The following MYO16 variants were observed in gnomAD, a reference collection of about 807,000 sequenced individuals.
MYO16 encodes the protein myosin XVI.
Under a neutral mutation model 205.3 loss-of-function variants are expected in MYO16, and 94 were observed. The observed-to-expected ratio is 0.46, with a 90% CI of 0.39 to 0.54. The LOEUF is 0.54. Ranked by LOEUF, MYO16 falls within the 20% of genes least tolerant of loss-of-function variation. The probability of loss-of-function intolerance (pLI) is 0.00; values close to 1 mark genes in which losing one functional copy is unlikely to be tolerated. For missense variants in MYO16, 2,315 were observed against 2,387.5 expected (o/e 0.97, Z 0.63); for synonymous variants, 988 against 954.0 (o/e 1.04, Z -0.66).
the MYO16 span, among the ~76,000 whole-genome samples, chr13:108,567,167 A>C: frequency 6.6e-6 from 1 of 152,280 alleles, no homozygotes; most frequent in African/African-American, 2.4e-5. Flanking sequence ...GGTTTGGAGG[A>C]TATTGAAGTA....
chr13:108,850,182 T>A (rs911957557), intron 10 of MYO16, among the ~76,000 whole-genome samples: 1 of 152,164 alleles, frequency 6.6e-6, no homozygotes, highest in Non-Finnish European at 1.5e-5. Context: ...TTCCTCCAAA[T>A]CCTGTTGCCC....
At chr13:108,754,209 C>A (rs1885345733) in intron 4 of MYO16, among the ~76,000 whole-genome samples, 1 of 143,326 alleles carries the variant, frequency 7.0e-6, no homozygotes, top group African/African-American at 3.0e-5. Context: ...CTGTAGCATG[C>A]AAGACAAGCT....
chr13:108,977,618 C>CA (rs1884310165), intron 20 of MYO16, among the ~76,000 whole-genome samples: 1 of 152,016 alleles, frequency 6.6e-6, no homozygotes, highest in African/African-American at 2.4e-5. Flanking sequence ...ATTTTCAGCA[C>CA]AGCAGGAAAA....
chr13:108,677,139 A>G (rs1882249998), intron 2 of MYO16, among the ~76,000 whole-genome samples: 1 of 152,046 alleles, frequency 6.6e-6, no homozygotes, highest in Admixed American at 6.6e-5. Flanking sequence ...GGGGATGTGC[A>G]GAAGGAGGAG....
chr13:108,703,298 T>C (rs570151551), intron 2 of MYO16, among the ~76,000 whole-genome samples: 95 of 152,288 alleles, frequency 6.2e-4, no homozygotes, highest in African/African-American at 2.3e-3. Context: ...TAACTCAACT[T>C]TAATGTAAAA....
At chr13:108,552,956 C>A in the MYO16 span, among the ~76,000 whole-genome samples, 15 of 150,218 alleles carry the variant, frequency 1.0e-4, no homozygotes, top group East Asian at 2.7e-3. Context: ...GTGGAGCCCT[C>A]GGTCTAATCC....
At chr13:109,077,992 G>T (rs997673076) in intron 27 of MYO16, among the ~76,000 whole-genome samples, 3 of 152,002 alleles carry the variant, frequency 2.0e-5, no homozygotes, top group African/African-American at 7.3e-5. Flanking sequence ...TCATTTGGGA[G>T]TAGTTTCTAT....
chr13:108,550,266 G>C, the MYO16 span, among the ~76,000 whole-genome samples: 1 of 152,278 alleles, frequency 6.6e-6, no homozygotes, highest in Non-Finnish European at 1.5e-5. Context: ...GTCTTGGAAA[G>C]AACGACAACC....
intron 7 of MYO16, among the ~76,000 whole-genome samples, chr13:108,809,174 A>G (rs536273475): frequency 1.3e-5 from 2 of 152,310 alleles, no homozygotes; most frequent in East Asian, 1.9e-4. Context: ...TAGGTTTCCA[A>G]CATTCATCAT....
intron 5 of MYO16, among the ~76,000 whole-genome samples, chr13:108,790,233 AC>A (rs1307323775): frequency 6.6e-6 from 1 of 152,216 alleles, no homozygotes. Context: ...TTGAATTCTT[AC>A]AAAAACAATA....
At chr13:108,920,624 A>C (rs1453249598) in intron 16 of MYO16, among the ~76,000 whole-genome samples, 1 of 152,016 alleles carries the variant, frequency 6.6e-6, no homozygotes, top group Non-Finnish European at 1.5e-5. Flanking sequence ...ACGCCCGGCT[A>C]ATTTTTGTAT....
chr13:108,593,788 G>A (rs541205831), upstream of MYO16, among the ~76,000 whole-genome samples: 3 of 152,254 alleles, frequency 2.0e-5, no homozygotes, highest in South Asian at 4.1e-4. Context: ...CGCACTTAGA[G>A]TCTGTCGGGC....
chr13:108,930,871 A>G (rs141781145), intron 16 of MYO16, among the ~76,000 whole-genome samples: 149 of 152,384 alleles, frequency 9.8e-4, no homozygotes, highest in East Asian at 3.1e-3. Context: ...TTTGAGTTAT[A>G]AAGTAAACAT....
chr13:108,584,480 T>G, the MYO16 span, among the ~76,000 whole-genome samples: 1 of 151,996 alleles, frequency 6.6e-6, no homozygotes, highest in Non-Finnish European at 1.5e-5. Flanking sequence ...GTTGGGAAAC[T>G]TCCAAATCTT....
At chr13:108,885,541 T>G (rs566810216) in intron 13 of MYO16, among the ~76,000 whole-genome samples, 1 of 152,214 alleles carries the variant, frequency 6.6e-6, no homozygotes, top group Non-Finnish European at 1.5e-5. Context: ...CTTTGATAAA[T>G]AGGGAAAACT....
intron 11 of MYO16, among the ~76,000 whole-genome samples, chr13:108,863,154 G>T (rs985510378): frequency 6.6e-6 from 1 of 152,042 alleles, no homozygotes; most frequent in Admixed American, 6.6e-5. Flanking sequence ...GTCTGCAAAT[G>T]ATGACTTTTA....
At chr13:108,749,532 G>T (rs936218496) in intron 4 of MYO16, among the ~76,000 whole-genome samples, 1 of 152,190 alleles carries the variant, frequency 6.6e-6, no homozygotes, top group African/African-American at 2.4e-5. Flanking sequence ...AGTAGCATTT[G>T]TTATTAGACA....
At position 108,848,105 on chromosome 13, in the gene MYO16, G is replaced by A. The variant is rs117890319; in HGVS notation, c.1248+3612G>A. On this transcript the variant is annotated intron_variant, in intron 10 of 34. Coordinates refer to ENST00000457511, the MANE Select transcript of MYO16 (RefSeq NM_001198950.3). The stretch of plus-strand genomic sequence containing the variant: ...GCCTCATGTGCAAAATGGGTACATA[G>A]GACTGGGCTTGTATGGTTGTTAGGA... 1.9e-3 allele frequency among the ~76,000 whole-genome samples: 287 copies of A among 152,232 alleles called. 2 individuals are homozygous for A. The highest frequency in any genetic ancestry group is 4.8e-3 in the South Asian group (23 of 4,818).
chr13:109,155,879 T>C (rs1158248541), intron 32 of MYO16, among the ~76,000 whole-genome samples: 1 of 152,226 alleles, frequency 6.6e-6, no homozygotes, highest in African/African-American at 2.4e-5. Flanking sequence ...CTGTGGTTCT[T>C]TACATCTGAA....
Sources: allele counts gnomAD v4.1 joint callset (sites outside exome capture counted in the v4.1 genomes callset), GRCh38; gene constraint gnomAD v4.1.1; transcripts MANE v1.5; gene names NCBI Gene and HGNC (gene_info 2026-07-23, HGNC 2026-07-21).